FOXK2: variants seen among roughly 807,000 people sequenced by gnomAD.
The protein encoded by FOXK2 is forkhead box K2.
In FOXK2, 24 loss-of-function variants were observed where a neutral mutation model predicts 53.3. The ratio of observed to expected loss-of-function variants is 0.45; its 90% confidence interval spans 0.33 to 0.63. FOXK2 has a LOEUF of 0.63. Ranked by LOEUF, FOXK2 falls within the 30% of genes least tolerant of loss-of-function variation. The probability of loss-of-function intolerance (pLI) is 0.03; values close to 1 mark genes in which losing one functional copy is unlikely to be tolerated. For synonymous variants in FOXK2, 505 were observed against 407.1 expected (o/e 1.24, Z -2.89); for missense variants, 952 against 910.5 (o/e 1.05, Z -0.59).
chr17:82,539,977 A>T (rs1323387787), intron 1 of FOXK2, among the ~76,000 whole-genome samples: 2 of 150,444 alleles, frequency 1.3e-5, no homozygotes, highest in Admixed American at 6.6e-5. Flanking sequence ...AAAAAAAAAA[A>T]ATATCGATAA....
At position 82,586,128 on chromosome 17, in the gene FOXK2, G is replaced by A; in HGVS notation, c.1504G>A (p.Val502Ile). 1 of 1,612,658 alleles carries A rather than the reference G, an allele frequency of 6.2e-7. No individual in the cohort carries two copies. The highest frequency in any genetic ancestry group is 8.5e-7 in the Non-Finnish European group (1 of 1,179,940). Residue 502 changes from valine to isoleucine, a missense_variant, in exon 7 of 9, where the codon GTC (valine) becomes ATC (isoleucine). Physicochemically the swap from Val to Ile is conservative, Grantham distance 29. Coordinates refer to ENST00000335255, the MANE Select transcript of FOXK2 (RefSeq NM_004514.4). ...NTYTVSGQAVVTPAAVLAPPK... is the reference protein window; with the variant it reads ...NTYTVSGQAVITPAAVLAPPK... ...GTACACTGTCTCTGGACAAGCTGTG[G>A]TCACCCCGGCAGCCGTGCTGGCCCC... is the stretch of plus-strand genomic sequence containing the variant.
At chr17:82,560,601 G>A (rs775716603) in intron 1 of FOXK2, among the ~76,000 whole-genome samples, 6 of 152,178 alleles carry the variant, frequency 3.9e-5, no homozygotes, top group Non-Finnish European at 7.3e-5. Context: ...CGATACCAGT[G>A]GTCTGCTTCT....
At chr17:82,564,535 C>G (rs2044833020) in intron 2 of FOXK2, among the ~76,000 whole-genome samples, 1 of 151,864 alleles carries the variant, frequency 6.6e-6, no homozygotes, top group Non-Finnish European at 1.5e-5. Flanking sequence ...TGTGCCTGGC[C>G]TGGATTCTTT....
chr17:82,566,722 C>T (rs975842997), intron 2 of FOXK2, among the ~76,000 whole-genome samples: 11 of 152,168 alleles, frequency 7.2e-5, no homozygotes, highest in Non-Finnish European at 1.3e-4. Context: ...CGCCTCTCCT[C>T]CCACCTGCTG....
intron 4 of FOXK2, among the ~76,000 whole-genome samples, chr17:82,574,910 G>A (rs934563819): frequency 3.9e-5 from 6 of 152,148 alleles, no homozygotes; most frequent in Admixed American, 2.0e-4. Context: ...TTGCATTTAC[G>A]TCCTATGATT....
intron 1 of FOXK2, among the ~76,000 whole-genome samples, chr17:82,521,737 C>T (rs1438857514): frequency 3.8e-5 from 5 of 130,994 alleles, no homozygotes; most frequent in Non-Finnish European, 6.5e-5. Context: ...CGAGACCATT[C>T]TGGCTAACAC....
intron 5 of FOXK2, among the ~76,000 whole-genome samples, chr17:82,583,440 G>T (rs893313549): frequency 6.6e-6 from 1 of 152,192 alleles, no homozygotes; most frequent in Non-Finnish European, 1.5e-5. Flanking sequence ...CCAGCTACTC[G>T]GGAGCCTGAG....
rs1418597301 is a variant in FOXK2 at position 82,571,878 on chromosome 17, C to G, written c.909+8C>G. The G allele has an allele frequency of 4.5e-6, 7 of 1,541,114 alleles. No homozygotes were observed. The Admixed American group carries it at 1.6e-4, about 34-fold the overall frequency. ...GCGGACAAGGGCTGGCAGGTAAATGCCTTCAGTTTGTTGTTAAATAGAGGC... is the reference window on the plus strand; with the variant it reads ...GCGGACAAGGGCTGGCAGGTAAATGGCTTCAGTTTGTTGTTAAATAGAGGC... On this transcript the variant is annotated splice_region_variant and intron_variant, in intron 4 of 8. Transcript: ENST00000335255.
chr17:82,522,525 C>T (rs535188439), intron 1 of FOXK2, among the ~76,000 whole-genome samples: 10 of 151,956 alleles, frequency 6.6e-5, no homozygotes, highest in Admixed American at 2.0e-4. Context: ...CCCGCCACTA[C>T]GCCCAGCTAA....
chr17:82,558,127 G>A (rs563032937), intron 1 of FOXK2, among the ~76,000 whole-genome samples: 2 of 152,238 alleles, frequency 1.3e-5, no homozygotes, highest in South Asian at 4.1e-4. Context: ...GAGCCCAGGA[G>A]TTTGTGACCA....
intron 8 of FOXK2, chr17:82,600,346 CTGCAGG>C: frequency 6.6e-6 from 1 of 152,406 alleles, no homozygotes; most frequent in Non-Finnish European, 1.5e-5. Flanking sequence ...AGCTCAGCAT[CTGCAGG>C]GTGGACCGAA....
chr17:82,556,001 T>C (rs2044721106), intron 1 of FOXK2, among the ~76,000 whole-genome samples: 1 of 151,998 alleles, frequency 6.6e-6, no homozygotes, highest in Non-Finnish European at 1.5e-5. Flanking sequence ...TTTGCTCATT[T>C]CTACATCCAT....
intron 6 of FOXK2, among the ~76,000 whole-genome samples, chr17:82,585,588 CTG>C (rs2045126658): frequency 6.6e-6 from 1 of 152,172 alleles, no homozygotes; most frequent in African/African-American, 2.4e-5. Context: ...GCGTGAGCCA[CTG>C]CGCCCGGCCC....
intron 8 of FOXK2, 82 bp downstream of exon 8, chr17:82,587,354 C>G (rs774946780): frequency 2.7e-6 from 3 of 1,094,994 alleles, no homozygotes; most frequent in Non-Finnish European, 4.2e-6. Flanking sequence ...TCGGTTCTGA[C>G]TGTAACAATT....
intron 1 of FOXK2, among the ~76,000 whole-genome samples, chr17:82,550,628 G>A (rs549570506): frequency 1.3e-5 from 2 of 149,198 alleles, no homozygotes; most frequent in Non-Finnish European, 3.0e-5. Context: ...TCAGCCTCCC[G>A]AGTAGCTGGG....
chr17:82,576,889 G>A (rs1463026603), intron 4 of FOXK2: 4 of 475,624 alleles, frequency 8.4e-6, no homozygotes, highest in African/African-American at 7.9e-5. Flanking sequence ...GCTGGGTGCG[G>A]TGGCTCACGC....
At chr17:82,579,438 C>T (rs1328121000) in intron 4 of FOXK2, among the ~76,000 whole-genome samples, 5 of 152,138 alleles carry the variant, frequency 3.3e-5, no homozygotes, top group Non-Finnish European at 4.4e-5. Flanking sequence ...ACAAATCCCA[C>T]ACATGGCCTA....
intron 1 of FOXK2, among the ~76,000 whole-genome samples, chr17:82,527,925 C>T (rs1002560933): frequency 2.6e-5 from 4 of 152,112 alleles, no homozygotes; most frequent in African/African-American, 9.7e-5. Flanking sequence ...CTCAGTCTCC[C>T]GTGTAGCTGA....
At chr17:82,587,506 A>C in intron 8 of FOXK2, 1 of 551,792 alleles carries the variant, frequency 1.8e-6, no homozygotes, top group Non-Finnish European at 3.3e-6. Context: ...TAATACATTG[A>C]GAGGGAAAAA....
Sources: allele counts gnomAD v4.1 joint callset (sites outside exome capture counted in the v4.1 genomes callset), GRCh38; gene constraint gnomAD v4.1.1; transcripts MANE v1.5; gene names NCBI Gene and HGNC (gene_info 2026-07-23, HGNC 2026-07-21).